Variants in RAF1 observed in about 807,000 individuals in gnomAD.
RAF1 encodes RAF proto-oncogene serine/threonine-protein kinase.
In RAF1, 27 loss-of-function variants were observed where a neutral mutation model predicts 81.1. The observed-to-expected ratio is 0.33, with a 90% CI of 0.25 to 0.46. RAF1 has a LOEUF of 0.46. RAF1 is among the 20% of genes least tolerant of loss of function. RAF1 has a pLI of 1.00. For synonymous variants in RAF1, 298 were observed against 294.0 expected, an observed-to-expected ratio of 1.01 and a Z score of -0.14; for missense variants, 598 against 826.0, an observed-to-expected ratio of 0.72 and a Z score of 3.38.
At chr3:12,598,903 A>C (rs2058774689) in intron 11 of RAF1, among the ~76,000 whole-genome samples, 1 of 152,168 alleles carries the variant, frequency 6.6e-6, no homozygotes, top group Admixed American at 6.5e-5. Flanking sequence ...ATAGGCACCA[A>C]GGGACTCTGT....
chr3:12,648,415 T>C (rs1439897348), intron 1 of RAF1, among the ~76,000 whole-genome samples: 1 of 152,144 alleles, frequency 6.6e-6, no homozygotes, highest in Non-Finnish European at 1.5e-5. Flanking sequence ...CAGTAAATCT[T>C]GCATATTCAA....
chr3:12,618,779 G>C, intron 1 of RAF1, 32 bp from the exon 2 acceptor site: 1 of 1,545,426 alleles, frequency 6.5e-7, no homozygotes, highest in East Asian at 2.3e-5. Context: ...TGTAACTCTA[G>C]AACAAAAGTA....
chr3:12,600,679 A>T (rs543024998), intron 8 of RAF1, among the ~76,000 whole-genome samples: 1 of 152,210 alleles, frequency 6.6e-6, no homozygotes, highest in Non-Finnish European at 1.5e-5. Context: ...CTCCTGCCTC[A>T]GTCTCCCGAG....
intron 1 of RAF1, among the ~76,000 whole-genome samples, chr3:12,646,751 A>G (rs2060360373): frequency 6.6e-6 from 1 of 150,864 alleles, no homozygotes; most frequent in South Asian, 2.1e-4. Context: ...GGGTTTTACT[A>G]TGTTGGCCAG....
chr3:12,591,908 G>T, intron 11 of RAF1, 116 bp from the exon 11 acceptor site: 1 of 820,814 alleles, frequency 1.2e-6, no homozygotes, highest in Non-Finnish European at 2.0e-6. Context: ...TACCTACACA[G>T]ATACGGCAAA....
chr3:12,611,326 T>G (rs559674965), intron 3 of RAF1, among the ~76,000 whole-genome samples: 3 of 152,100 alleles, frequency 2.0e-5, no homozygotes, highest in South Asian at 4.2e-4. Context: ...CATGCAATAT[T>G]CTCACGTCAG....
chr3:12,590,628 A>G, intron 13 of RAF1, 170 bp downstream of exon 12: 2 of 770,158 alleles, frequency 2.6e-6, no homozygotes, highest in Non-Finnish European at 4.3e-6. Flanking sequence ...ACCCAGCTGG[A>G]ACCTGAACAA....
chr3:12,591,552 T>G (rs2058514777), intron 12 of RAF1, among the ~76,000 whole-genome samples, 156 bp downstream of exon 11: 1 of 152,126 alleles, frequency 6.6e-6, no homozygotes, highest in South Asian at 2.1e-4. Context: ...GAAACATCCC[T>G]TTGCTCTCAA....
At chr3:12,643,480 C>T (rs765426532) in intron 1 of RAF1, among the ~76,000 whole-genome samples, 1 of 152,138 alleles carries the variant, frequency 6.6e-6, no homozygotes, top group African/African-American at 2.4e-5. Flanking sequence ...GTGGCTCACA[C>T]CTGTAATCCC....
At chr3:12,639,756 G>A (rs1452811918) in intron 1 of RAF1, among the ~76,000 whole-genome samples, 1 of 152,158 alleles carries the variant, frequency 6.6e-6, no homozygotes, top group African/African-American at 2.4e-5. Context: ...ATGCTCATGG[G>A]TAGGAAGAAT....
Position 12,604,086 on chromosome 3 carries a change from C to A in RAF1, c.834+50G>T, listed in dbSNP as rs146878547. The A allele has an allele frequency of 9.2e-4, 1,476 of 1,605,790 alleles. 4 individuals are homozygous for A. The highest frequency in any genetic ancestry group is 1.2e-3 in the Non-Finnish European group (1,433 of 1,173,804). The stretch of plus-strand genomic sequence containing the variant: ...CCCAAAACTCTGAAATAAGTATCAA[C>A]CTCACCCCATTAATTGACTGACATT... On this transcript the variant is annotated intron_variant, in intron 7 of 17. Transcript: ENST00000442415.
chr3:12,616,063 T>TATA (rs920482151), intron 2 of RAF1, among the ~76,000 whole-genome samples: 188 of 151,336 alleles, frequency 1.2e-3, no homozygotes, highest in South Asian at 2.9e-3. Flanking sequence ...AAAAAATACA[T>TATA]ATAATAATAA....
At chr3:12,649,589 TCACACACACACACA>T (rs3072126) in intron 1 of RAF1, among the ~76,000 whole-genome samples, 90 of 150,464 alleles carry the variant, frequency 6.0e-4, no homozygotes, top group Non-Finnish European at 1.1e-3. Context: ...CCAGAGACTG[TCACACACACACACA>T]CACACACACA....
At position 12,604,291 on chromosome 3, in the gene RAF1, T is replaced by C; in HGVS notation, c.681-2A>G. On this transcript the variant is annotated splice_acceptor_variant, in intron 6 of 17. Transcript: ENST00000442415. LOFTEE classifies it high-confidence loss of function. ...GGTGTAGAATATCTGTGCTGAGAAC[T>C]AGGAGGAGAAAGAAAATTCCATGAT... 6.2e-7 allele frequency: 1 copy of C among 1,613,736 alleles called. No individual in the cohort carries two copies. Among genetic ancestry groups the C allele is most frequent in the Non-Finnish European group, 8.5e-7 (1 of 1,179,808 alleles).
At chr3:12,613,731 A>G (rs1180298036) in intron 2 of RAF1, among the ~76,000 whole-genome samples, 1 of 152,248 alleles carries the variant, frequency 6.6e-6, no homozygotes, top group Admixed American at 6.5e-5. Flanking sequence ...GCATGTAAGC[A>G]TAAGGAATTT....
chr3:12,622,097 C>G (rs2059572492), intron 1 of RAF1, among the ~76,000 whole-genome samples: 1 of 152,174 alleles, frequency 6.6e-6, no homozygotes, highest in African/African-American at 2.4e-5. Flanking sequence ...TGAGCCCTGA[C>G]TCACTCCTAC....
intron 2 of RAF1, among the ~76,000 whole-genome samples, chr3:12,612,922 T>C (rs1252930135): frequency 6.6e-6 from 1 of 152,190 alleles, no homozygotes; most frequent in African/African-American, 2.4e-5. Context: ...TCAACCTCTT[T>C]CAACAAAAAT....
chr3:12,603,984 T>C (rs893014010), intron 7 of RAF1, 152 bp downstream of exon 7: 6 of 830,450 alleles, frequency 7.2e-6, no homozygotes, highest in African/African-American at 3.4e-5. Flanking sequence ...AGTCTGAAGA[T>C]ATTATGGATA....
At chr3:12,639,704 T>C (rs1203568104) in intron 1 of RAF1, among the ~76,000 whole-genome samples, 1 of 152,086 alleles carries the variant, frequency 6.6e-6, no homozygotes, top group Non-Finnish European at 1.5e-5. Flanking sequence ...TACAAACCAC[T>C]GCTCAACAAA....
Sources: gnomAD v4.1 joint callset for allele counts (sites outside exome capture counted in the v4.1 genomes callset) on GRCh38, gnomAD v4.1.1 for gene constraint, MANE v1.5 for transcripts, NCBI Gene and HGNC (gene_info 2026-07-23, HGNC 2026-07-21) for gene names.